PCDHGB1: variants seen among roughly 807,000 people sequenced by gnomAD.
PCDHGB1 encodes the protein protocadherin gamma subfamily B, 1, also known as protocadherin gamma-B1.
PCDHGB1 carries 34 observed loss-of-function variants against 56.6 expected under a neutral mutation model. The observed-to-expected ratio is 0.60, with a 90% confidence interval of 0.46 to 0.80. The LOEUF is 0.80. Ranked by LOEUF, PCDHGB1 falls within the 30% of genes least tolerant of loss-of-function variation. PCDHGB1 has a pLI of 0.00. For missense variants in PCDHGB1, 1,278 were observed against 1,204.6 expected, an observed-to-expected ratio of 1.06 and a Z score of -0.90; for synonymous variants, 561 against 505.9, an observed-to-expected ratio of 1.11 and a Z score of -1.46.
chr5:141,398,656 A>G, intron 1 of PCDHGB1: 1 of 1,614,034 alleles, frequency 6.2e-7, no homozygotes, highest in African/African-American at 1.3e-5. Context: ...TCTTAACCCA[A>G]GTTTCTCATT....
chr5:141,394,915 CCT>C, intron 1 of PCDHGB1: 1 of 1,613,774 alleles, frequency 6.2e-7, no homozygotes, highest in South Asian at 1.1e-5. Flanking sequence ...GCTGCCATCT[CCT>C]GTGTCTTCCT....
intron 1 of PCDHGB1, chr5:141,377,740 A>G (rs1017037020): frequency 9.9e-5 from 15 of 152,232 alleles, no homozygotes; most frequent in African/African-American, 3.6e-4. Context: ...ATCATTGGTA[A>G]CTGCAGCAGG....
intron 1 of PCDHGB1, among the ~76,000 whole-genome samples, chr5:141,484,764 A>G (rs1469048336): frequency 6.6e-6 from 1 of 151,806 alleles, no homozygotes; most frequent in African/African-American, 2.4e-5. Flanking sequence ...ATATATATAT[A>G]TGTTGTCTGC....
chr5:141,407,732 A>G (rs1294403186), intron 1 of PCDHGB1, among the ~76,000 whole-genome samples: 3 of 152,242 alleles, frequency 2.0e-5, no homozygotes, highest in Non-Finnish European at 4.4e-5. Flanking sequence ...AAGGTTCACT[A>G]TATATACTCC....
In PCDHGB1 at chr5:141,350,679, G is replaced by C; in HGVS notation, c.419G>C (p.Cys140Ser). 1 of 1,613,996 alleles carries C rather than the reference G, an allele frequency of 6.2e-7. No homozygotes were observed. Among genetic ancestry groups the C allele is most frequent in the Non-Finnish European group, 8.5e-7 (1 of 1,179,876 alleles). ...GCAAAAGGCATTGACTTAGAAATTTGTGAGTCAGCCTTACCCGGGGTAAAA... is the reference window on the plus strand; with the variant it reads ...GCAAAAGGCATTGACTTAGAAATTTCTGAGTCAGCCTTACCCGGGGTAAAA... The part of the protein sequence containing the change: ...FVAKGIDLEI[C>S]ESALPGVKFS... Residue 140 changes from cysteine to serine, a missense_variant, in exon 1 of 4, where the codon TGT (cysteine) becomes TCT (serine). Transcript: ENST00000523390.
chr5:141,416,120 A>C (rs2095996372), intron 1 of PCDHGB1: 1 of 155,288 alleles, frequency 6.4e-6, no homozygotes, highest in African/African-American at 2.4e-5. Context: ...ACTACATTTT[A>C]TATATTTTTC....
At chr5:141,361,458 C>G in intron 1 of PCDHGB1, 1 of 1,614,054 alleles carries the variant, frequency 6.2e-7, no homozygotes, top group Non-Finnish European at 8.5e-7. Flanking sequence ...TCACCCTGCA[C>G]ATCTCCGACG....
intron 1 of PCDHGB1, among the ~76,000 whole-genome samples, chr5:141,482,188 G>C (rs1178289472): frequency 2.6e-5 from 4 of 152,122 alleles, no homozygotes; most frequent in African/African-American, 9.7e-5. Context: ...CGATGCTCCA[G>C]TTCTAGTAAA....
intron 1 of PCDHGB1, chr5:141,391,631 G>C (rs913626630): frequency 6.6e-6 from 1 of 152,170 alleles, no homozygotes; most frequent in African/African-American, 2.4e-5. Flanking sequence ...GAAAGTTTTA[G>C]TCAGTGAAAA....
chr5:141,478,819 C>T, intron 1 of PCDHGB1: 8 of 1,447,842 alleles, frequency 5.5e-6, no homozygotes, highest in South Asian at 3.0e-5. Flanking sequence ...CACAACTAAC[C>T]AATCTTGCTA....
chr5:141,441,280 G>A (rs2098237221), intron 1 of PCDHGB1: 1 of 152,090 alleles, frequency 6.6e-6, no homozygotes, highest in East Asian at 1.9e-4. Flanking sequence ...GGGAGAAAAC[G>A]AGGTCACATG....
At chr5:141,462,302 A>C (rs2099036796) in intron 1 of PCDHGB1, among the ~76,000 whole-genome samples, 1 of 152,222 alleles carries the variant, frequency 6.6e-6, no homozygotes, top group African/African-American at 2.4e-5. Context: ...GTATTACCCA[A>C]ATATATTTGT....
intron 3 of PCDHGB1, among the ~76,000 whole-genome samples, chr5:141,505,973 G>A (rs1207489923): frequency 6.6e-6 from 1 of 152,166 alleles, no homozygotes; most frequent in Non-Finnish European, 1.5e-5. Context: ...ATCCCCAGCC[G>A]AGAGAACACC....
At position 141,477,592 on chromosome 5, in the gene PCDHGB1, T is replaced by G; in HGVS notation, c.2410-17215T>G. On this transcript the variant is annotated intron_variant, in intron 1 of 3. Coordinates refer to ENST00000523390, the MANE Select transcript of PCDHGB1 (RefSeq NM_018922.3). The surrounding 1 kb of genome is among the most constrained non-coding windows in gnomAD (Gnocchi z 4.9). ...CCGACGCCCCGCAGAATGCTCGGCT[T>G]TCTTTCTTTCTCTTGGAGCAAGGAG... The G allele has an allele frequency of 6.2e-7, 1 of 1,614,142 alleles. No homozygotes were observed. Among genetic ancestry groups the G allele is most frequent in the Non-Finnish European group, 8.5e-7 (1 of 1,180,014 alleles).
At chr5:141,398,644 T>C (rs772408476) in intron 1 of PCDHGB1, 7 of 1,613,908 alleles carry the variant, frequency 4.3e-6, no homozygotes, top group Non-Finnish European at 5.9e-6. Context: ...GTATAAACTC[T>C]CTCTTAACCC....
chr5:141,384,410 A>T, intron 1 of PCDHGB1: 3 of 1,613,844 alleles, frequency 1.9e-6, no homozygotes, highest in Non-Finnish European at 2.5e-6. Flanking sequence ...GTGTCCTCCT[A>T]TGTCTCCATA....
intron 1 of PCDHGB1, chr5:141,355,260 G>C (rs781255825): frequency 6.2e-7 from 1 of 1,613,426 alleles, no homozygotes; most frequent in Admixed American, 1.7e-5. Context: ...GCCTTCTCCT[G>C]GGGGTTCTGG....
intron 2 of PCDHGB1, among the ~76,000 whole-genome samples, chr5:141,504,948 T>C (rs1044527570): frequency 2.0e-5 from 3 of 152,080 alleles, no homozygotes; most frequent in Admixed American, 1.3e-4. Flanking sequence ...GAATGCACTA[T>C]GTTCAATGCA....
At chr5:141,382,129 C>T (rs1174612163) in intron 1 of PCDHGB1, among the ~76,000 whole-genome samples, 2 of 152,012 alleles carry the variant, frequency 1.3e-5, no homozygotes, top group African/African-American at 2.4e-5. Flanking sequence ...CACCTGGCCC[C>T]CCCTCTCATT....
Sources: allele counts gnomAD v4.1 joint callset (sites outside exome capture counted in the v4.1 genomes callset), GRCh38; gene constraint gnomAD v4.1.1; non-coding constraint Gnocchi (gnomAD v3.1); transcripts MANE v1.5; gene names NCBI Gene and HGNC (gene_info 2026-07-23, HGNC 2026-07-21).